Variants in DPYSL3 observed in about 807,000 individuals in gnomAD.
DPYSL3 encodes the protein dihydropyrimidinase-related protein 3.
A neutral mutation model predicts 66.1 loss-of-function variants in DPYSL3; 16 were observed. That is an observed-to-expected ratio of 0.24 (90% confidence interval 0.16 to 0.37). The LOEUF (loss-of-function observed/expected upper bound fraction) is 0.37. Among genes scored for constraint, DPYSL3 ranks in the 10% least tolerant of loss-of-function variants. DPYSL3 has a pLI of 1.00. For missense variants in DPYSL3, 738 were observed against 916.2 expected (o/e 0.81, Z 2.51); for synonymous variants, 338 against 345.1 (o/e 0.98, Z 0.23).
At chr5:147,506,602 C>G (rs1451897135) in intron 1 of DPYSL3, among the ~76,000 whole-genome samples, 5 of 151,930 alleles carry the variant, frequency 3.3e-5, no homozygotes, top group Non-Finnish European at 7.4e-5. Flanking sequence ...ACTGAAGAAG[C>G]TAGGAATAAT....
intron 1 of DPYSL3, among the ~76,000 whole-genome samples, chr5:147,464,576 T>C (rs1752984427): frequency 6.6e-6 from 1 of 152,192 alleles, no homozygotes; most frequent in Non-Finnish European, 1.5e-5. Context: ...GAAGAGTATG[T>C]ATAGTACCTT....
intron 1 of DPYSL3, chr5:147,472,639 T>C (rs1384128981): frequency 6.6e-6 from 1 of 152,200 alleles, no homozygotes; most frequent in Non-Finnish European, 1.5e-5. Context: ...CTATTTACCA[T>C]TACTGCTTTC....
chr5:147,432,496 T>C (rs1022302615), intron 1 of DPYSL3, among the ~76,000 whole-genome samples: 2 of 152,188 alleles, frequency 1.3e-5, no homozygotes, highest in African/African-American at 4.8e-5. Context: ...GATGGGGGAA[T>C]GGACTGTGGG....
At chr5:147,482,824 T>C (rs979342139) in intron 1 of DPYSL3, among the ~76,000 whole-genome samples, 79 of 152,196 alleles carry the variant, frequency 5.2e-4, no homozygotes, top group African/African-American at 1.9e-3. Context: ...CTCACAGTTC[T>C]GCATGGCTGG....
At chr5:147,500,349 C>T (rs190226998) in intron 1 of DPYSL3, among the ~76,000 whole-genome samples, 187 of 152,218 alleles carry the variant, frequency 1.2e-3, no homozygotes, top group African/African-American at 4.4e-3. Context: ...TGCGGTGGCT[C>T]ACGCCTGTAA....
intron 13 of DPYSL3, 147 bp downstream of exon 13, chr5:147,395,412 G>T: frequency 1.1e-6 from 1 of 934,632 alleles, no homozygotes; most frequent in Non-Finnish European, 1.6e-6. Context: ...CTTCCTGCTT[G>T]CCCCAGTAAC....
At position 147,453,800 on chromosome 5, in the gene DPYSL3, GC is replaced by G. The variant is rs1047149304; in HGVS notation, c.382-28838del. On this transcript the variant is annotated intron_variant, in intron 1 of 13. Transcript: ENST00000343218. ...TCTCCCCGGTCCCCCTTTCACCCCCGCCCCCCCACGCACACCCTCCTCCACC... is the reference window on the plus strand; with the variant it reads ...TCTCCCCGGTCCCCCTTTCACCCCCGCCCCCCACGCACACCCTCCTCCACC... 7.4e-6 allele frequency: 8 copies of G among 1,081,592 alleles called. No homozygotes were observed. In the African/African-American group the frequency reaches 2.7e-4, roughly 37 times the overall value. 67.0% of individuals were successfully genotyped at this position (1,081,592 alleles called of 1,614,324 possible).
chr5:147,392,317 C>T lies in DPYSL3; in HGVS notation c.*1718G>A, dbSNP rs1228982307. ...CATGATTTGAACAGAAGGTAGCTTG[C>T]TAGGGGAAATCCTGTTCCTTGGCTA... On this transcript the variant is annotated 3_prime_UTR_variant, in exon 14 of 14. Transcript: ENST00000343218. 1 of 152,212 alleles carries T rather than the reference C, an allele frequency of 6.6e-6. No homozygotes were observed. Among genetic ancestry groups the T allele is most frequent in the Admixed American group, 6.5e-5 (1 of 15,280 alleles). The allele number at this position is 152,212 out of a possible 1,614,324, so 9.4% of individuals were successfully genotyped here.
chr5:147,435,793 T>C (rs1469566579), intron 1 of DPYSL3, among the ~76,000 whole-genome samples: 2 of 152,032 alleles, frequency 1.3e-5, no homozygotes, highest in African/African-American at 4.8e-5. Context: ...ATAAAATTAT[T>C]AAGAAGTTAT....
At chr5:147,491,529 C>G (rs1305915062) in intron 1 of DPYSL3, among the ~76,000 whole-genome samples, 1 of 151,814 alleles carries the variant, frequency 6.6e-6, no homozygotes, top group Non-Finnish European at 1.5e-5. Flanking sequence ...ATGCTAAGGG[C>G]TTTAGTAGAA....
chr5:147,509,599 C>A lies in DPYSL3; in HGVS notation c.260G>T (p.Arg87Leu), dbSNP rs1264366508. 1.3e-6 allele frequency: 2 copies of A among 1,535,494 alleles called. No individual in the cohort carries two copies. The highest frequency in any genetic ancestry group is 1.7e-6 in the Non-Finnish European group (2 of 1,146,638). Residue 87 changes from arginine to leucine, a missense_variant, in exon 1 of 14, where the codon CGC becomes CTC. Coordinates refer to ENST00000343218, the MANE Select transcript of DPYSL3 (RefSeq NM_001197294.2). The surrounding 1 kb of genome is among the most constrained non-coding windows in gnomAD (Gnocchi z 5.3). Reference sequence around the variant, plus strand: ...GCTCTCTTCCCGGCCTTGGCCCCTGCGCGGGGTGTCCCCCTCGATCCCGGG... The same window carrying A: ...GCTCTCTTCCCGGCCTTGGCCCCTGAGCGGGGTGTCCCCCTCGATCCCGGG... ...SRPGIEGDTP[R>L]RGQGREESRE...
intron 1 of DPYSL3, among the ~76,000 whole-genome samples, chr5:147,508,762 C>G (rs921056129): frequency 1.3e-5 from 2 of 152,230 alleles, no homozygotes; most frequent in Non-Finnish European, 2.9e-5. Context: ...TCTTAATACT[C>G]TCGTCTATTT....
At chr5:147,489,073 A>G (rs1753377150) in intron 1 of DPYSL3, among the ~76,000 whole-genome samples, 1 of 151,778 alleles carries the variant, frequency 6.6e-6, no homozygotes, top group South Asian at 2.1e-4. Flanking sequence ...GGGGCACATC[A>G]TGGTAACTGT....
chr5:147,494,017 A>G (rs924521756), intron 1 of DPYSL3, among the ~76,000 whole-genome samples: 2 of 152,040 alleles, frequency 1.3e-5, no homozygotes, highest in Non-Finnish European at 2.9e-5. Context: ...ACATGGTGAA[A>G]CCCCATCTCT....
intron 1 of DPYSL3, among the ~76,000 whole-genome samples, chr5:147,481,974 T>C (rs1416201589): frequency 6.6e-6 from 1 of 152,200 alleles, no homozygotes; most frequent in East Asian, 1.9e-4. Flanking sequence ...TACAGGAGAA[T>C]AATACTGATG....
intron 7 of DPYSL3, among the ~76,000 whole-genome samples, chr5:147,406,905 C>G (rs144850267): frequency 0.015 from 2,220 of 152,304 alleles, 40 homozygotes; most frequent in Middle Eastern, 0.027. Flanking sequence ...GACCTAAGAA[C>G]TTGGCTGGCT....
intron 1 of DPYSL3, among the ~76,000 whole-genome samples, chr5:147,433,957 G>T (rs1429637716): frequency 2.0e-5 from 3 of 151,178 alleles, no homozygotes; most frequent in African/African-American, 7.3e-5. Context: ...TTGAACCAGG[G>T]AGTCAGAGGT....
chr5:147,429,048 C>T lies in DPYSL3; in HGVS notation c.382-4085G>A, dbSNP rs749437082. ...GTTCCTGGCAGCCAAGACTGCCAAG[C>T]GTCCATGAGCTGATGTCTGAGGAGG... On this transcript the variant is annotated intron_variant, in intron 1 of 13. Transcript: ENST00000343218. 8.5e-5 allele frequency among the ~76,000 whole-genome samples: 13 copies of T among 152,244 alleles called. 1 individual carries two copies. The highest frequency in any genetic ancestry group is 8.3e-4 in the South Asian group (4 of 4,828).
intron 1 of DPYSL3, among the ~76,000 whole-genome samples, chr5:147,465,570 G>C (rs1323083526): frequency 2.0e-5 from 3 of 152,162 alleles, no homozygotes; most frequent in African/African-American, 7.2e-5. Flanking sequence ...AAAGTGCTGA[G>C]ATTACAGGGG....
Sources: gnomAD v4.1 joint callset for allele counts (sites outside exome capture counted in the v4.1 genomes callset) on GRCh38, gnomAD v4.1.1 for gene constraint, Gnocchi (gnomAD v3.1) non-coding constraint, MANE v1.5 for transcripts, NCBI Gene and HGNC (gene_info 2026-07-23, HGNC 2026-07-21) for gene names.